PKHD1: variants seen among roughly 807,000 people sequenced by gnomAD.
The protein encoded by PKHD1 is PKHD1 ciliary IPT domain containing fibrocystin/polyductin.
In PKHD1, 291 loss-of-function variants were observed where a neutral mutation model predicts 412.0. The observed-to-expected ratio is 0.71, with a 90% CI of 0.64 to 0.78. The LOEUF is 0.78. PKHD1 is among the 30% of genes least tolerant of loss of function. The pLI is 0.00. For missense variants in PKHD1, 4,825 were observed against 4,950.7 expected (o/e 0.97, Z 0.76); for synonymous variants, 1,777 against 1,821.5 (o/e 0.98, Z 0.62).
intron 37 of PKHD1, among the ~76,000 whole-genome samples, chr6:51,925,311 G>A (rs920258013): frequency 2.0e-5 from 3 of 152,290 alleles, no homozygotes; most frequent in Middle Eastern, 3.4e-3. Flanking sequence ...TGAAATCCTC[G>A]TGTGTCTAAA....
chr6:51,941,282 T>C (rs1788504138), intron 36 of PKHD1, among the ~76,000 whole-genome samples: 1 of 118,298 alleles, frequency 8.5e-6, no homozygotes, highest in African/African-American at 3.2e-5. Flanking sequence ...GGAGTCTCGC[T>C]CTGTCGCCCA....
intron 35 of PKHD1, among the ~76,000 whole-genome samples, chr6:51,969,014 T>C (rs1047934312): frequency 1.3e-5 from 2 of 152,178 alleles, no homozygotes; most frequent in Admixed American, 1.3e-4. Context: ...ATGGTAATGA[T>C]GATAGAATTA....
chr6:51,694,359 C>A (rs891318761), intron 60 of PKHD1, among the ~76,000 whole-genome samples: 3 of 151,656 alleles, frequency 2.0e-5, no homozygotes, highest in Non-Finnish European at 2.9e-5. Flanking sequence ...ATATGGATTT[C>A]TTTTTTTAAT....
intron 43 of PKHD1, among the ~76,000 whole-genome samples, chr6:51,900,565 A>C (rs1263836520): frequency 6.6e-6 from 1 of 152,170 alleles, no homozygotes; most frequent in African/African-American, 2.4e-5. Context: ...AACCATAAAA[A>C]CCCTAGAAGA....
intron 36 of PKHD1, among the ~76,000 whole-genome samples, chr6:51,942,887 C>T (rs992775651): frequency 2.0e-5 from 3 of 151,562 alleles, no homozygotes; most frequent in African/African-American, 7.3e-5. Flanking sequence ...GCCCCCTCCC[C>T]TCCCTACACA....
rs774078687 is a variant in PKHD1 at position 51,794,301 on chromosome 6, CAT to C, written c.8303-2930_8303-2929del. Among the ~76,000 whole-genome samples the C allele has an allele frequency of 2.8e-4, 42 of 151,976 alleles. No homozygotes were observed. The South Asian group carries it at 3.7e-3, about 14-fold the overall frequency. ...TGATCAGTGATGTTAAGCTTTTTTT[CAT>C]ATGTCTGTTGGCTGCGTGTATGTCT... is the stretch of plus-strand genomic sequence containing the variant. On this transcript the variant is annotated intron_variant, in intron 52 of 66. Transcript: ENST00000371117.
chr6:51,675,491 T>A (rs1293412002), intron 60 of PKHD1, among the ~76,000 whole-genome samples: 1 of 152,212 alleles, frequency 6.6e-6, no homozygotes, highest in East Asian at 1.9e-4. Flanking sequence ...TAATGTCATT[T>A]ACAATTTACC....
intron 35 of PKHD1, among the ~76,000 whole-genome samples, chr6:51,962,937 T>C (rs1000774322): frequency 6.6e-6 from 1 of 152,218 alleles, no homozygotes. Flanking sequence ...TTGGTTTGGG[T>C]CATTGCTATA....
chr6:51,884,388 T>A (rs1350421079), intron 45 of PKHD1, among the ~76,000 whole-genome samples: 1 of 152,208 alleles, frequency 6.6e-6, no homozygotes, highest in African/African-American at 2.4e-5. Context: ...TATATATCTA[T>A]CTTTGTGCCC....
intron 4 of PKHD1, among the ~76,000 whole-genome samples, chr6:52,082,088 A>C (rs1812114711): frequency 6.6e-6 from 1 of 152,210 alleles, no homozygotes; most frequent in Non-Finnish European, 1.5e-5. Flanking sequence ...TTGCAATGGC[A>C]AAATGGTACC....
rs1348764918 is a variant in PKHD1 at position 51,618,302 on chromosome 6, A to T, written c.*779T>A. 6 of 152,210 alleles carry T rather than the reference A, an allele frequency of 3.9e-5. No individual in the cohort carries two copies. The highest frequency in any genetic ancestry group is 7.3e-5 in the Non-Finnish European group (5 of 68,090). The allele number at this position is 152,210 out of a possible 1,614,324, so 9.4% of individuals were successfully genotyped here. On this transcript the variant is annotated 3_prime_UTR_variant, in exon 67 of 67. Transcript: ENST00000371117. ...CCCAATGTAGTTCTTTTCCAGTTGT[A>T]AATGTGACCCAGCTACTAACAGAGA... is the stretch of plus-strand genomic sequence containing the variant.
Position 51,836,234 on chromosome 6 carries a change from T to G in PKHD1, c.8173+170A>C, listed in dbSNP as rs375949837. 1.4e-4 allele frequency among the ~76,000 whole-genome samples: 21 copies of G among 152,316 alleles called. No individual in the cohort carries two copies. The East Asian group carries it at 2.5e-3, about 18-fold the overall frequency. On this transcript the variant is annotated intron_variant, in intron 51 of 66. Coordinates refer to ENST00000371117, the MANE Select transcript of PKHD1 (RefSeq NM_138694.4). ...TCCACCTTTATATCCTTTTTTGACATGCAGATACATATTTTAGTTACAGGG... is the reference window on the plus strand; with the variant it reads ...TCCACCTTTATATCCTTTTTTGACAGGCAGATACATATTTTAGTTACAGGG...
In PKHD1 at chr6:51,616,862, C is replaced by T. The variant is rs1456949009; in HGVS notation, c.*2219G>A. On this transcript the variant is annotated 3_prime_UTR_variant, in exon 67 of 67. Coordinates refer to ENST00000371117, the MANE Select transcript of PKHD1 (RefSeq NM_138694.4). ...GGGGCAGAAATAACAGAGCTGGCAG[C>T]TAACTCTTTGTGAAGGGCGAAATAG... 2 of 391,574 alleles carry T rather than the reference C, an allele frequency of 5.1e-6. No individual in the cohort carries two copies. 24.3% of individuals were successfully genotyped at this position (391,574 alleles called of 1,614,324 possible). A position where few individuals can be genotyped will look rare whatever the true frequency, so the allele number is the denominator to read the frequency against.
At chr6:52,076,621 C>A (rs1414693238) in intron 5 of PKHD1, among the ~76,000 whole-genome samples, 3 of 152,182 alleles carry the variant, frequency 2.0e-5, no homozygotes, top group African/African-American at 7.2e-5. Context: ...CCTGTTTCTA[C>A]CTGCCCACCT....
Position 51,744,451 on chromosome 6 carries a change from G to A in PKHD1, c.10090C>T (p.Leu3364=). ...GGAAATACAGAAACTGGTGGAGGCA[G>A]ACCCAGGGCTCTCCCATCCAGATCC... ...FKDLDGRALG[L]PPPVSVFPKT... Residue 3364 remains leucine, a synonymous_variant, in exon 60 of 67, where the codon CTG becomes TTG. Transcript: ENST00000371117. The A allele has an allele frequency of 6.2e-7, 1 of 1,613,404 alleles. No homozygotes were observed. Among genetic ancestry groups the A allele is most frequent in the Non-Finnish European group, 8.5e-7 (1 of 1,179,376 alleles).
intron 36 of PKHD1, among the ~76,000 whole-genome samples, chr6:51,945,231 C>T (rs1019830492): frequency 2.0e-5 from 3 of 152,182 alleles, no homozygotes; most frequent in African/African-American, 7.2e-5. Context: ...TATGACAGGA[C>T]TGCCGCATTG....
rs759233887 is a variant in PKHD1, at chr6:51,659,223, C to G, written c.10903G>C (p.Gly3635Arg). The G allele has an allele frequency of 6.2e-7, 1 of 1,613,808 alleles. No homozygotes were observed. Residue 3635 changes from glycine (G) to arginine (R), a missense_variant, in exon 61 of 67, where the codon GGT becomes CGT. Gly to Arg is a moderately radical substitution (Grantham distance 125, BLOSUM62 -2). Coordinates refer to ENST00000371117, the MANE Select transcript of PKHD1 (RefSeq NM_138694.4). ...TCCATCATGAGAGGCCTACGTTGAC[C>G]AACTCTTCTATAATGACTAGTGCAA... ...VTCTSHYRRV[G>R]QRRPLMMEMN...
intron 52 of PKHD1, among the ~76,000 whole-genome samples, chr6:51,801,235 G>A (rs908039262): frequency 6.6e-6 from 1 of 152,078 alleles, no homozygotes; most frequent in Non-Finnish European, 1.5e-5. Context: ...TCCAAGAAAA[G>A]TATTCCTAAA....
rs182563383 is a variant in PKHD1 at position 52,068,728 on chromosome 6, C to A, written c.778+729G>T. Among the ~76,000 whole-genome samples the A allele has an allele frequency of 3.2e-4, 49 of 152,266 alleles. No individual in the cohort carries two copies. The East Asian group carries it at 9.5e-3, about 29-fold the overall frequency. On this transcript the variant is annotated intron_variant, in intron 11 of 66. Coordinates refer to ENST00000371117, the MANE Select transcript of PKHD1 (RefSeq NM_138694.4). ...CTTGGGCGCTTCTTCAAACTTACCC[C>A]AAATAGACTAGCAATACTGTTGAAA...
Sources: allele counts gnomAD v4.1 joint callset (sites outside exome capture counted in the v4.1 genomes callset), GRCh38; gene constraint gnomAD v4.1.1; transcripts MANE v1.5; gene names NCBI Gene and HGNC (gene_info 2026-07-23, HGNC 2026-07-21).